The following GABPB2 variants were observed in gnomAD, a reference collection of about 807,000 sequenced individuals.
The protein encoded by GABPB2 is GA binding protein transcription factor subunit beta 2.
A neutral mutation model predicts 39.1 loss-of-function variants in GABPB2; 23 were observed. The ratio of observed to expected loss-of-function variants is 0.59; its 90% CI spans 0.42 to 0.83. GABPB2 has a LOEUF of 0.83. GABPB2 is among the 40% of genes least tolerant of loss of function. The pLI, the probability that GABPB2 is intolerant of heterozygous loss-of-function variation, is 0.00. For missense variants in GABPB2, 467 were observed against 541.1 expected (o/e 0.86, Z 1.36); for synonymous variants, 184 against 199.3 (o/e 0.92, Z 0.65).
At chr1:151,076,812 G>A (rs931169598) in intron 1 of GABPB2, among the ~76,000 whole-genome samples, 1 of 84,178 alleles carries the variant, frequency 1.2e-5, no homozygotes, top group African/African-American at 4.8e-5. Flanking sequence ...TTTTTTTTTT[G>A]AGATGGAGTC....
chr1:151,078,229 C>T (rs1445864220), intron 1 of GABPB2, among the ~76,000 whole-genome samples: 3 of 150,702 alleles, frequency 2.0e-5, no homozygotes, highest in South Asian at 2.1e-4. Flanking sequence ...GAGATCACAC[C>T]ACTGCACTCC....
rs1321765636 is a variant in GABPB2 at position 151,071,715 on chromosome 1, C to G, written c.-1+781C>G. Reference sequence around the variant, plus strand: ...TCGAACTCCTGACCTTAGGGGATCCCCCCGCCTTGGCCTTCCAAAGTGCTG... The same window carrying G: ...TCGAACTCCTGACCTTAGGGGATCCGCCCGCCTTGGCCTTCCAAAGTGCTG... On this transcript the variant is annotated intron_variant, in intron 1 of 8. Transcript: ENST00000368918. Among the ~76,000 whole-genome samples the G allele has an allele frequency of 1.2e-4, 18 of 152,170 alleles. 1 individual carries two copies. Among genetic ancestry groups the G allele is most frequent in the Admixed American group, 5.2e-4 (8 of 15,258 alleles).
chr1:151,092,438 A>G (rs1678798977), intron 3 of GABPB2, among the ~76,000 whole-genome samples: 1 of 151,482 alleles, frequency 6.6e-6, no homozygotes, highest in African/African-American at 2.4e-5. Context: ...AAAAAAATAC[A>G]GATGAGATCT....
intron 1 of GABPB2, among the ~76,000 whole-genome samples, chr1:151,073,335 C>G (rs974035144): frequency 6.6e-6 from 1 of 152,124 alleles, no homozygotes; most frequent in Non-Finnish European, 1.5e-5. Context: ...GCAAGTGAGA[C>G]AGATTTTGTT....
chr1:151,125,152 A>G lies in GABPB2; in HGVS notation c.*6896A>G, dbSNP rs1389504936. 2.0e-5 allele frequency: 3 copies of G among 152,084 alleles called. No homozygotes were observed. The highest frequency in any genetic ancestry group is 1.9e-4 in the East Asian group (1 of 5,192). 9.4% of individuals were successfully genotyped at this position (152,084 alleles called of 1,614,324 possible). On this transcript the variant is annotated 3_prime_UTR_variant, in exon 9 of 9. Coordinates refer to ENST00000368918, the MANE Select transcript of GABPB2 (RefSeq NM_144618.3). ...TGAAAGTTAATCTAGGTCACCTTCT[A>G]TATCCTGTGCTTTCTAGTTGGCTTT... is the stretch of plus-strand genomic sequence containing the variant.
chr1:151,071,470 CA>C (rs1676713392), intron 1 of GABPB2, among the ~76,000 whole-genome samples: 3 of 29,946 alleles, frequency 1.0e-4, no homozygotes, highest in Non-Finnish European at 1.9e-4. Flanking sequence ...TTTTTTTTTT[CA>C]AAACTGAGTC....
At chr1:151,113,282 C>T (rs1013746043) in intron 7 of GABPB2, among the ~76,000 whole-genome samples, 11 of 151,838 alleles carry the variant, frequency 7.2e-5, no homozygotes, top group African/African-American at 2.2e-4. Context: ...TCCTGGCTAA[C>T]GCGGTGAAAC....
In GABPB2 at chr1:151,080,578, T is replaced by A. The variant is rs587668084; in HGVS notation, c.1-7612T>A. The stretch of plus-strand genomic sequence containing the variant: ...TAAAAAGGGTTTAGGCCAGGTACAG[T>A]GGCTCACGCCTGTAATCCCATCACT... On this transcript the variant is annotated intron_variant, in intron 1 of 8. Transcript: ENST00000368918. 2.0e-5 allele frequency among the ~76,000 whole-genome samples: 3 copies of A among 150,842 alleles called. No individual in the cohort carries two copies. The South Asian group carries it at 6.2e-4, about 31-fold the overall frequency.
At position 151,077,935 on chromosome 1, in the gene GABPB2, G is replaced by A. The variant is rs893385997; in HGVS notation, c.-1+7001G>A. ...CCATTGCACTCCAGCCTGGGCAACA[G>A]AGCAAGACTCAGTCTCAAAAAATAA... is the stretch of plus-strand genomic sequence containing the variant. On this transcript the variant is annotated intron_variant, in intron 1 of 8. Coordinates refer to ENST00000368918, the MANE Select transcript of GABPB2 (RefSeq NM_144618.3). 2.1e-5 allele frequency among the ~76,000 whole-genome samples: 3 copies of A among 144,410 alleles called. No homozygotes were observed. In the South Asian group the frequency reaches 6.7e-4, roughly 32 times the overall value. 94.7% of individuals were successfully genotyped at this position (144,410 alleles called of 152,430 possible).
At chr1:151,111,208 C>T (rs1301986007) in intron 7 of GABPB2, among the ~76,000 whole-genome samples, 4 of 151,864 alleles carry the variant, frequency 2.6e-5, no homozygotes, top group South Asian at 2.1e-4. Flanking sequence ...ATTCAGGACC[C>T]AAGTGATCCT....
intron 1 of GABPB2, among the ~76,000 whole-genome samples, chr1:151,082,075 TC>T (rs1418023210): frequency 4.8e-4 from 72 of 150,916 alleles, no homozygotes; most frequent in Non-Finnish European, 8.4e-4. Context: ...AATTTCTTTT[TC>T]TTTTTTTTTT....
In GABPB2 at chr1:151,111,492, G is replaced by A. The variant is rs1211340657; in HGVS notation, c.922+4270G>A. 6.6e-5 allele frequency among the ~76,000 whole-genome samples: 10 copies of A among 150,810 alleles called. No homozygotes were observed. The East Asian group carries it at 9.7e-4, about 15-fold the overall frequency. On this transcript the variant is annotated intron_variant, in intron 7 of 8. Coordinates refer to ENST00000368918, the MANE Select transcript of GABPB2 (RefSeq NM_144618.3). Reference sequence around the variant, plus strand: ...GGCTGGAGTGCAGTGGCGTGATCTCGGCTCACCGCAAGCTCCACCTCCCGG... The same window carrying A: ...GGCTGGAGTGCAGTGGCGTGATCTCAGCTCACCGCAAGCTCCACCTCCCGG...
chr1:151,108,647 C>G (rs1680155441), intron 7 of GABPB2, among the ~76,000 whole-genome samples: 1 of 152,012 alleles, frequency 6.6e-6, no homozygotes, highest in Non-Finnish European at 1.5e-5. Context: ...GGCTACAGTT[C>G]CACGCCACCA....
chr1:151,071,155 G>A (rs937867270), intron 1 of GABPB2, among the ~76,000 whole-genome samples: 1 of 152,114 alleles, frequency 6.6e-6, no homozygotes, highest in Non-Finnish European at 1.5e-5. Context: ...TGAAGAAGGG[G>A]GTGGGTGTAA....
Position 151,103,741 on chromosome 1 carries a change from T to C in GABPB2, c.736+66T>C, listed in dbSNP as rs373524526. ...CTTTTGTTTTTAAGTCTCCAGCAGA[T>C]TTAATTTGCATGAAATATTATTAAA... On this transcript the variant is annotated intron_variant, in intron 6 of 8. Coordinates refer to ENST00000368918, the MANE Select transcript of GABPB2 (RefSeq NM_144618.3). The C allele has an allele frequency of 6.0e-4, 616 of 1,020,284 alleles. 10 individuals carry two copies. The South Asian group carries it at 8.1e-3, about 13-fold the overall frequency. 63.2% of individuals were successfully genotyped at this position (1,020,284 alleles called of 1,614,324 possible).
intron 7 of GABPB2, among the ~76,000 whole-genome samples, chr1:151,114,336 C>A (rs1394992943): frequency 1.3e-5 from 2 of 151,592 alleles, no homozygotes; most frequent in Admixed American, 6.6e-5. Flanking sequence ...GAGTGAGACT[C>A]TGTCTCATAA....
chr1:151,077,200 C>T (rs1019225568), intron 1 of GABPB2, among the ~76,000 whole-genome samples: 2 of 152,032 alleles, frequency 1.3e-5, no homozygotes, highest in African/African-American at 2.4e-5. Flanking sequence ...AATTAAAGCC[C>T]GTTGGGAAAA....
At chr1:151,102,430 A>G (rs1266956589) in intron 5 of GABPB2, among the ~76,000 whole-genome samples, 2 of 152,140 alleles carry the variant, frequency 1.3e-5, no homozygotes, top group Admixed American at 1.3e-4. Flanking sequence ...CATTCAATAT[A>G]TGAAACTTTT....
chr1:151,114,382 A>G (rs963311061), intron 7 of GABPB2, among the ~76,000 whole-genome samples: 1 of 151,960 alleles, frequency 6.6e-6, no homozygotes. Flanking sequence ...CATTATGAAC[A>G]CCATAATTGT....
Sources: allele counts gnomAD v4.1 joint callset (sites outside exome capture counted in the v4.1 genomes callset), GRCh38; gene constraint gnomAD v4.1.1; transcripts MANE v1.5; gene names NCBI Gene and HGNC (gene_info 2026-07-23, HGNC 2026-07-21).